The following MED6 variants were observed in gnomAD, a reference collection of about 807,000 sequenced individuals.
The protein encoded by MED6 is mediator of RNA polymerase II transcription subunit 6.
In MED6, 33 loss-of-function variants were observed where a neutral mutation model predicts 37.5. That is an observed-to-expected ratio of 0.88 (90% CI 0.67 to 1.18). The LOEUF (loss-of-function observed/expected upper bound fraction) is 1.18, where lower values mean the gene tolerates loss of function less well. Among genes scored for constraint, MED6 ranks in the 50% most tolerant of loss-of-function variants. The probability of loss-of-function intolerance (pLI) is 0.00; values close to 1 mark genes in which losing one functional copy is unlikely to be tolerated. For synonymous variants in MED6, 94 were observed against 93.6 expected (o/e 1.00, Z -0.02); for missense variants, 235 against 290.6 (o/e 0.81, Z 1.39).
intron 3 of MED6, among the ~76,000 whole-genome samples, chr14:70,594,066 C>G (rs1884968632): frequency 6.6e-6 from 1 of 152,156 alleles, no homozygotes; most frequent in Non-Finnish European, 1.5e-5. Context: ...TTTTGGATTC[C>G]AGAATCACAA....
Position 70,584,822 on chromosome 14 carries a change from T to C in MED6, c.732A>G (p.Arg244=), listed in dbSNP as rs774767781. 1.2e-6 allele frequency: 2 copies of C among 1,614,066 alleles called. No homozygotes were observed. Among genetic ancestry groups the C allele is most frequent in the Non-Finnish European group, 1.7e-6 (2 of 1,179,996 alleles). ...SAKGPPEKRM[R]LQ is the part of the protein sequence containing the mutation. ...CTCTTTTGTCCAGTACTCACTGAAG[T>C]CTCATCCGTTTTTCAGGGGGGCCTT... Residue 244 remains arginine (R), a synonymous_variant, in exon 8 of 8, where the codon AGA becomes AGG. Coordinates refer to ENST00000256379, the MANE Select transcript of MED6 (RefSeq NM_005466.4).
intron 3 of MED6, chr14:70,596,241 T>C (rs1425471705): frequency 2.1e-5 from 4 of 190,784 alleles, no homozygotes; most frequent in East Asian, 1.3e-4. Flanking sequence ...GAGTCTTATA[T>C]GGACTTCCCT....
At chr14:70,598,848 T>C (rs769112163) in intron 1 of MED6, among the ~76,000 whole-genome samples, 1 of 152,118 alleles carries the variant, frequency 6.6e-6, no homozygotes, top group Non-Finnish European at 1.5e-5. Flanking sequence ...CAATTAGGGA[T>C]AGAGAAGTTA....
intron 1 of MED6, among the ~76,000 whole-genome samples, chr14:70,599,851 A>T (rs1313981993): frequency 6.6e-6 from 1 of 152,354 alleles, no homozygotes; most frequent in East Asian, 1.9e-4. Context: ...ATCATGATCC[A>T]GAAGTGCTGC....
chr14:70,589,315 T>G (rs1047649536), intron 6 of MED6, among the ~76,000 whole-genome samples: 2 of 152,078 alleles, frequency 1.3e-5, no homozygotes, highest in Admixed American at 1.3e-4. Flanking sequence ...TTTCCACAAT[T>G]TAAGTGCCCT....
At chr14:70,585,099 C>A (rs1009455594) in intron 7 of MED6, among the ~76,000 whole-genome samples, 156 bp from the exon 8 acceptor site, 23 of 152,056 alleles carry the variant, frequency 1.5e-4, no homozygotes, top group Admixed American at 2.0e-4. Flanking sequence ...ATACAAGAAC[C>A]CAGTTACAAA....
At position 70,585,089 on chromosome 14, in the gene MED6, A is replaced by C. The variant is rs191004510; in HGVS notation, c.611-146T>G. On this transcript the variant is annotated intron_variant, in intron 7 of 7. Transcript: ENST00000256379. ...TCTAGCTGTTTCCCCAGGCAGATGTATACAAGAACCCAGTTACAAACCTAA... is the reference window on the plus strand; with the variant it reads ...TCTAGCTGTTTCCCCAGGCAGATGTCTACAAGAACCCAGTTACAAACCTAA... The C allele has an allele frequency of 4.8e-3, 4,561 of 945,156 alleles. 54 individuals are homozygous for C. Among genetic ancestry groups the C allele is most frequent in the Middle Eastern group, 0.028 (83 of 2,932 alleles). The allele number at this position is 945,156 out of a possible 1,614,324, so 58.5% of individuals were successfully genotyped here. A position where few individuals can be genotyped will look rare whatever the true frequency, so the allele number is the denominator to read the frequency against.
chr14:70,591,423 GTT>G, intron 5 of MED6, 42 bp from the exon 6 acceptor site: 9 of 1,460,568 alleles, frequency 6.2e-6, no homozygotes, highest in Non-Finnish European at 8.5e-6. Flanking sequence ...TGCCTACTTA[GTT>G]TGGTGTCTCA....
intron 6 of MED6, among the ~76,000 whole-genome samples, chr14:70,586,708 A>G (rs1884718579): frequency 2.0e-5 from 3 of 152,226 alleles, no homozygotes; most frequent in Middle Eastern, 3.4e-3. Flanking sequence ...TCTAACTACA[A>G]AATTTTCTGA....
In MED6 at chr14:70,584,617, C is replaced by T; in HGVS notation, c.*196G>A. 1 of 554,236 alleles carries T rather than the reference C, an allele frequency of 1.8e-6. No individual in the cohort carries two copies. The highest frequency in any genetic ancestry group is 3.7e-5 in the East Asian group (1 of 27,366). 34.3% of individuals were successfully genotyped at this position (554,236 alleles called of 1,614,324 possible). A position where few individuals can be genotyped will look rare whatever the true frequency, so the allele number is the denominator to read the frequency against. ...TCTTGAACTTCTGACCTCAAGTGATCCACCCGCCATGGCCTCCCAAAGTGC... is the reference window on the plus strand; with the variant it reads ...TCTTGAACTTCTGACCTCAAGTGATTCACCCGCCATGGCCTCCCAAAGTGC... On this transcript the variant is annotated 3_prime_UTR_variant, in exon 8 of 8. Coordinates refer to ENST00000256379, the MANE Select transcript of MED6 (RefSeq NM_005466.4).
At chr14:70,593,852 T>C (rs1357711511) in intron 3 of MED6, among the ~76,000 whole-genome samples, 1 of 152,180 alleles carries the variant, frequency 6.6e-6, no homozygotes, top group African/African-American at 2.4e-5. Flanking sequence ...TGTAAAGATA[T>C]CAAATGCAAT....
At chr14:70,593,168 C>A in intron 4 of MED6, 128 bp downstream of exon 4, 1 of 1,207,944 alleles carries the variant, frequency 8.3e-7, no homozygotes. Flanking sequence ...AACCAAAGTT[C>A]AAGACATTCT....
intron 3 of MED6, chr14:70,596,328 G>T: frequency 3.7e-6 from 1 of 269,026 alleles, no homozygotes; most frequent in Non-Finnish European, 7.2e-6. Context: ...AAGCAAGAGG[G>T]AAAGCATAAG....
chr14:70,593,154 C>T, intron 4 of MED6, 142 bp downstream of exon 4: 1 of 1,235,896 alleles, frequency 8.1e-7, no homozygotes, highest in Non-Finnish European at 1.1e-6. Flanking sequence ...ACTTGGCTCA[C>T]AGTAACCAAA....
chr14:70,595,706 C>T, intron 3 of MED6: 4 of 780,468 alleles, frequency 5.1e-6, no homozygotes, highest in Non-Finnish European at 8.9e-6. Context: ...GCCAGGACTT[C>T]AATCTTGGTG....
intron 4 of MED6, 39 bp downstream of exon 4, chr14:70,593,257 A>C: frequency 6.5e-7 from 1 of 1,547,996 alleles, no homozygotes; most frequent in Admixed American, 1.7e-5. Context: ...AGCTAATTAA[A>C]AGTTTTCTTT....
Position 70,584,369 on chromosome 14 carries a change from GAAT to G in MED6, c.*441_*443del. 1 of 467,546 alleles carries G rather than the reference GAAT, an allele frequency of 2.1e-6. No homozygotes were observed. Among genetic ancestry groups the G allele is most frequent in the Non-Finnish European group, 3.8e-6 (1 of 263,346 alleles). The allele number at this position is 467,546 out of a possible 1,614,324, so 29.0% of individuals were successfully genotyped here. ...AAATATTCACAAGAAATCATGATGG[GAAT>G]AATATCTTTTCTTCTTTTTTGAGAC... On this transcript the variant is annotated 3_prime_UTR_variant, in exon 8 of 8. Coordinates refer to ENST00000256379, the MANE Select transcript of MED6 (RefSeq NM_005466.4).
At chr14:70,597,261 A>G (rs1026345591) in intron 2 of MED6, among the ~76,000 whole-genome samples, 2 of 152,254 alleles carry the variant, frequency 1.3e-5, no homozygotes, top group African/African-American at 2.4e-5. Context: ...TATGTAGCTA[A>G]CAGGAAAATT....
intron 5 of MED6, chr14:70,591,651 T>C (rs1417211258): frequency 4.0e-6 from 1 of 252,998 alleles, no homozygotes; most frequent in African/African-American, 2.3e-5. Context: ...CGCACAACCG[T>C]AAGAGTTTTA....
Sources: gnomAD v4.1 joint callset for allele counts (sites outside exome capture counted in the v4.1 genomes callset) on GRCh38, gnomAD v4.1.1 for gene constraint, MANE v1.5 for transcripts, NCBI Gene and HGNC (gene_info 2026-07-23, HGNC 2026-07-21) for gene names.